The following ZCCHC24 variants were observed in gnomAD, a reference collection of about 807,000 sequenced individuals.
ZCCHC24 encodes the protein zinc finger CCHC domain-containing protein 24.
A neutral mutation model predicts 26.2 loss-of-function variants in ZCCHC24; 10 were observed. The observed-to-expected ratio is 0.38, with a 90% confidence interval of 0.24 to 0.65. The LOEUF (loss-of-function observed/expected upper bound fraction) is 0.65, where lower values mean the gene tolerates loss of function less well. ZCCHC24 is among the 30% of genes least tolerant of loss of function. The pLI, the probability that ZCCHC24 is intolerant of heterozygous loss-of-function variation, is 0.54. For synonymous variants in ZCCHC24, 144 were observed against 147.1 expected, an observed-to-expected ratio of 0.98 and a Z score of 0.15; for missense variants, 243 against 329.1, an observed-to-expected ratio of 0.74 and a Z score of 2.03.
At chr10:79,442,682 C>A (rs1221047494) in intron 1 of ZCCHC24, among the ~76,000 whole-genome samples, 1 of 152,212 alleles carries the variant, frequency 6.6e-6, no homozygotes, top group African/African-American at 2.4e-5. Context: ...TCCGTAGAGT[C>A]CCCTCCGGCC....
intron 1 of ZCCHC24, among the ~76,000 whole-genome samples, chr10:79,437,342 C>T (rs529237529): frequency 2.0e-5 from 3 of 152,296 alleles, no homozygotes; most frequent in South Asian, 4.1e-4. Context: ...CATGAGTCAC[C>T]GTGCTCGGCC....
Position 79,384,336 on chromosome 10 carries a change from C to T in ZCCHC24, c.*2009G>A, listed in dbSNP as rs1200394758. The stretch of plus-strand genomic sequence containing the variant: ...CCAGGCATCCTTGGGCCAAGGTCCC[C>T]CATGGCCGGGTCCCTGGAAGGGTTG... On this transcript the variant is annotated 3_prime_UTR_variant, in exon 4 of 4. Transcript: ENST00000372336. 5 of 152,434 alleles carry T rather than the reference C, an allele frequency of 3.3e-5. No individual in the cohort carries two copies. The highest frequency in any genetic ancestry group is 7.3e-5 in the Non-Finnish European group (5 of 68,116). The allele number at this position is 152,434 out of a possible 1,614,324, so 9.4% of individuals were successfully genotyped here. A position where few individuals can be genotyped will look rare whatever the true frequency, so the allele number is the denominator to read the frequency against.
intron 2 of ZCCHC24, among the ~76,000 whole-genome samples, chr10:79,425,641 T>C (rs1857017013): frequency 6.6e-6 from 1 of 152,210 alleles, no homozygotes; most frequent in African/African-American, 2.4e-5. Context: ...GTCACTCCAC[T>C]TCTCTGGGTC....
At chr10:79,427,140 A>T (rs191704444) in intron 2 of ZCCHC24, among the ~76,000 whole-genome samples, 1 of 152,330 alleles carries the variant, frequency 6.6e-6, no homozygotes, top group African/African-American at 2.4e-5. Flanking sequence ...CATCAAGAAG[A>T]TACAACAACT....
chr10:79,415,760 A>C (rs1252583339), intron 2 of ZCCHC24, among the ~76,000 whole-genome samples: 1 of 152,192 alleles, frequency 6.6e-6, no homozygotes, highest in East Asian at 1.9e-4. Context: ...ACTTCAGCTT[A>C]ATTCTGATGC....
At chr10:79,403,718 G>C (rs761685278) in intron 2 of ZCCHC24, among the ~76,000 whole-genome samples, 1 of 152,182 alleles carries the variant, frequency 6.6e-6, no homozygotes, top group African/African-American at 2.4e-5. Context: ...GGCCCAGAAG[G>C]CCTGGCCTCT....
chr10:79,389,293 T>G (rs938738053), intron 3 of ZCCHC24, among the ~76,000 whole-genome samples: 19 of 152,240 alleles, frequency 1.2e-4, no homozygotes, highest in Admixed American at 6.5e-5. Flanking sequence ...CCATGGAGAC[T>G]GAAGGGGTCA....
At chr10:79,421,146 C>T (rs1170245630) in intron 2 of ZCCHC24, among the ~76,000 whole-genome samples, 1 of 114,836 alleles carries the variant, frequency 8.7e-6, no homozygotes. Context: ...ACTACCCTAA[C>T]GTCAGCATCT....
intron 1 of ZCCHC24, among the ~76,000 whole-genome samples, chr10:79,437,932 AAG>A (rs1448454220): frequency 6.6e-6 from 1 of 152,104 alleles, no homozygotes; most frequent in Admixed American, 6.5e-5. Context: ...CCAGAGGGAG[AAG>A]AGAGGGCACA....
intron 2 of ZCCHC24, chr10:79,394,720 G>C (rs975246106): frequency 9.3e-6 from 8 of 857,906 alleles, no homozygotes; most frequent in Non-Finnish European, 1.1e-5. Context: ...CTCAATGGTG[G>C]CTGGAAATTA....
At chr10:79,427,524 A>C (rs961792537) in intron 2 of ZCCHC24, among the ~76,000 whole-genome samples, 5 of 152,172 alleles carry the variant, frequency 3.3e-5, no homozygotes, top group Non-Finnish European at 7.3e-5. Context: ...GTTAGAAATC[A>C]CTAAAAGATG....
At chr10:79,391,330 G>T (rs1212990765) in intron 3 of ZCCHC24, among the ~76,000 whole-genome samples, 2 of 152,216 alleles carry the variant, frequency 1.3e-5, no homozygotes, top group Non-Finnish European at 2.9e-5. Flanking sequence ...AGGTGGGGCC[G>T]TTGCCAGCTT....
At chr10:79,444,641 G>A (rs1857336639) in intron 1 of ZCCHC24, among the ~76,000 whole-genome samples, 3 of 152,212 alleles carry the variant, frequency 2.0e-5, no homozygotes, top group Admixed American at 6.5e-5. Flanking sequence ...TGGGGTCCCC[G>A]AGTGAGAACA....
chr10:79,398,802 G>C (rs1272072847), intron 2 of ZCCHC24, among the ~76,000 whole-genome samples: 2 of 152,190 alleles, frequency 1.3e-5, no homozygotes, highest in African/African-American at 4.8e-5. Context: ...CAGCCCGTCA[G>C]ACCCCCAGCC....
At chr10:79,441,854 G>A (rs908440875) in intron 1 of ZCCHC24, among the ~76,000 whole-genome samples, 2 of 152,208 alleles carry the variant, frequency 1.3e-5, no homozygotes, top group African/African-American at 4.8e-5. Flanking sequence ...AATGGAGTGA[G>A]ACAGCCACAT....
At chr10:79,433,898 C>T (rs75960821) in intron 1 of ZCCHC24, among the ~76,000 whole-genome samples, 54 of 152,134 alleles carry the variant, frequency 3.5e-4, no homozygotes, top group Non-Finnish European at 4.0e-4. Flanking sequence ...GGGAGGGAGG[C>T]GAGCTGCAAG....
intron 1 of ZCCHC24, 27 bp downstream of exon 1, chr10:79,445,168 T>C: frequency 3.0e-6 from 2 of 676,336 alleles, no homozygotes; most frequent in South Asian, 9.5e-5. Flanking sequence ...GGTGGGGCGG[T>C]GGGCGGGGGC....
intron 1 of ZCCHC24, among the ~76,000 whole-genome samples, chr10:79,443,348 A>C (rs565658052): frequency 7.2e-5 from 11 of 152,304 alleles, no homozygotes; most frequent in African/African-American, 2.6e-4. Context: ...CCAAACTCCC[A>C]GGTCCTCTCA....
chr10:79,434,584 C>G (rs779028087), intron 1 of ZCCHC24, among the ~76,000 whole-genome samples: 1 of 152,196 alleles, frequency 6.6e-6, no homozygotes, highest in East Asian at 1.9e-4. Flanking sequence ...GAGTCACTAT[C>G]CCATTTTACA....
Sources: gnomAD v4.1 joint callset for allele counts (sites outside exome capture counted in the v4.1 genomes callset) on GRCh38, gnomAD v4.1.1 for gene constraint, MANE v1.5 for transcripts, NCBI Gene and HGNC (gene_info 2026-07-23, HGNC 2026-07-21) for gene names.